Variants in ME2 observed in about 807,000 individuals in gnomAD.
ME2 encodes the protein NAD-dependent malic enzyme, mitochondrial.
A neutral mutation model predicts 73.7 loss-of-function variants in ME2; 60 were observed. The ratio of observed to expected loss-of-function variants is 0.81; its 90% confidence interval spans 0.66 to 1.01. The LOEUF is 1.01. ME2 is among the 50% of genes least tolerant of loss of function. The pLI is 0.00. For synonymous variants in ME2, 199 were observed against 236.9 expected, an observed-to-expected ratio of 0.84 and a Z score of 1.47; for missense variants, 594 against 705.5, an observed-to-expected ratio of 0.84 and a Z score of 1.79.
intron 1 of ME2, among the ~76,000 whole-genome samples, chr18:50,889,240 C>T (rs1916551670): frequency 6.6e-6 from 1 of 152,056 alleles, no homozygotes; most frequent in Admixed American, 6.5e-5. Flanking sequence ...AGGGTAGAGC[C>T]CCTAGGCAGC....
intron 2 of ME2, among the ~76,000 whole-genome samples, chr18:50,897,173 T>C (rs1445153313): frequency 6.6e-6 from 1 of 152,226 alleles, no homozygotes; most frequent in Non-Finnish European, 1.5e-5. Flanking sequence ...GGTAGTTACA[T>C]TTTCCTGAGT....
intron 12 of ME2, among the ~76,000 whole-genome samples, chr18:50,928,011 G>T (rs1235866984): frequency 1.3e-5 from 2 of 151,114 alleles, no homozygotes; most frequent in African/African-American, 4.9e-5. Context: ...TAGAGACAAG[G>T]TCTTGCTTTG....
chr18:50,933,932 G>T (rs1306649808), intron 13 of ME2: 1 of 152,090 alleles, frequency 6.6e-6, no homozygotes, highest in South Asian at 2.1e-4. Context: ...TTCTGTTCCT[G>T]TGTTAGTTCA....
intron 2 of ME2, among the ~76,000 whole-genome samples, chr18:50,896,915 G>A (rs989186881): frequency 6.6e-6 from 1 of 152,168 alleles, no homozygotes; most frequent in African/African-American, 2.4e-5. Context: ...GTTAAATGAA[G>A]CTTAATGAAG....
intron 1 of ME2, among the ~76,000 whole-genome samples, chr18:50,880,165 C>T (rs1228450166): frequency 6.6e-6 from 1 of 152,194 alleles, no homozygotes; most frequent in East Asian, 1.9e-4. Flanking sequence ...TTGCTAGTGA[C>T]AGGCAGAGCG....
At chr18:50,907,720 C>A (rs1306080427) in intron 2 of ME2, among the ~76,000 whole-genome samples, 1 of 152,130 alleles carries the variant, frequency 6.6e-6, no homozygotes, top group Non-Finnish European at 1.5e-5. Flanking sequence ...TACAACTAAA[C>A]TTTTTGTATA....
chr18:50,894,005 T>C (rs574252754), intron 1 of ME2, among the ~76,000 whole-genome samples: 68 of 152,352 alleles, frequency 4.5e-4, no homozygotes, highest in African/African-American at 1.6e-3. Flanking sequence ...TATGACTATT[T>C]AATATGAGTG....
chr18:50,946,105 C>T (rs1918076254), intron 15 of ME2, among the ~76,000 whole-genome samples: 2 of 109,542 alleles, frequency 1.8e-5, no homozygotes, highest in Admixed American at 1.1e-4. Flanking sequence ...GAGCAAGGCT[C>T]CATCTTAAAT....
chr18:50,893,451 A>G (rs187132880), intron 1 of ME2, among the ~76,000 whole-genome samples: 1 of 152,294 alleles, frequency 6.6e-6, no homozygotes, highest in East Asian at 1.9e-4. Flanking sequence ...CATAATTTCA[A>G]TATGTTGTGT....
rs1255290957 is a variant in ME2 at position 50,908,198 on chromosome 18, T to G, written c.242+2T>G. ...GAAAATGACTAGCCCTTTGGAAAAG[T>G]AAGAGTTGCTTAGATGTTTCTTTTT... is the stretch of plus-strand genomic sequence containing the variant. On this transcript the variant is annotated splice_donor_variant, in intron 3 of 15. Transcript: ENST00000321341. LOFTEE classifies it high-confidence loss of function. 1 of 1,581,488 alleles carries G rather than the reference T, an allele frequency of 6.3e-7. No homozygotes were observed. Among genetic ancestry groups the G allele is most frequent in the Non-Finnish European group, 8.6e-7 (1 of 1,168,124 alleles).
intron 12 of ME2, among the ~76,000 whole-genome samples, chr18:50,930,434 A>G (rs1599118507): frequency 6.6e-6 from 1 of 152,174 alleles, no homozygotes; most frequent in Non-Finnish European, 1.5e-5. Flanking sequence ...CTGCTCAGCG[A>G]GAAAAATACT....
intron 2 of ME2, among the ~76,000 whole-genome samples, chr18:50,896,528 G>C (rs1194390084): frequency 6.6e-6 from 1 of 152,134 alleles, no homozygotes; most frequent in Admixed American, 6.5e-5. Context: ...TCTATGTTTG[G>C]TTCGGTGGAC....
intron 3 of ME2, among the ~76,000 whole-genome samples, chr18:50,911,206 A>C (rs572540695): frequency 1.3e-5 from 2 of 152,238 alleles, no homozygotes; most frequent in South Asian, 4.1e-4. Context: ...CTTCCATCTC[A>C]CAAAGCCATC....
rs1280485474 is a variant in ME2 at position 50,925,903 on chromosome 18, T to G, written c.1314+5T>G. 2 of 1,586,368 alleles carry G rather than the reference T, an allele frequency of 1.3e-6. No homozygotes were observed. Among genetic ancestry groups the G allele is most frequent in the African/African-American group, 2.7e-5 (2 of 74,340 alleles). Reference sequence around the variant, plus strand: ...GAAGCATATACACTTACAGAGGTATTAATAATCACATGAATTGATATGTAT... The same window carrying G: ...GAAGCATATACACTTACAGAGGTATGAATAATCACATGAATTGATATGTAT... On this transcript the variant is annotated splice_donor_5th_base_variant and intron_variant, in intron 12 of 15. Coordinates refer to ENST00000321341, the MANE Select transcript of ME2 (RefSeq NM_002396.5).
At chr18:50,907,095 T>A (rs1387030799) in intron 2 of ME2, among the ~76,000 whole-genome samples, 5 of 152,178 alleles carry the variant, frequency 3.3e-5, no homozygotes, top group African/African-American at 9.7e-5. Flanking sequence ...CAAGCACTTC[T>A]GGGGAAATGG....
intron 13 of ME2, chr18:50,934,270 G>A (rs1462814796): frequency 6.6e-6 from 1 of 152,102 alleles, no homozygotes; most frequent in Non-Finnish European, 1.5e-5. Context: ...TGAGTATTAA[G>A]GAATTTAGCA....
chr18:50,924,896 G>A lies in ME2; in HGVS notation c.1171+684G>A, dbSNP rs142871245. Among the ~76,000 whole-genome samples, 661 of 151,656 alleles carry A rather than the reference G, an allele frequency of 4.4e-3. 10 individuals are homozygous for A. The East Asian group carries it at 0.066, about 15-fold the overall frequency. ...GGGGTTTCACCATGTTGACCAGGCT[G>A]GTCTTGAACTCCTGACCTCAGGTGA... On this transcript the variant is annotated intron_variant, in intron 11 of 15. Coordinates refer to ENST00000321341, the MANE Select transcript of ME2 (RefSeq NM_002396.5).
At chr18:50,910,488 G>T (rs1487169511) in intron 3 of ME2, among the ~76,000 whole-genome samples, 9 of 151,876 alleles carry the variant, frequency 5.9e-5, no homozygotes, top group Non-Finnish European at 1.0e-4. Context: ...AGGTTAAAGG[G>T]GTGAGAGCAG....
intron 13 of ME2, among the ~76,000 whole-genome samples, chr18:50,936,889 CCA>C (rs1461568903): frequency 2.6e-5 from 4 of 152,012 alleles, no homozygotes; most frequent in Non-Finnish European, 4.4e-5. Flanking sequence ...TTTGGTCGTG[CCA>C]CAGCACTGTA....
Sources: gnomAD v4.1 joint callset for allele counts (sites outside exome capture counted in the v4.1 genomes callset) on GRCh38, gnomAD v4.1.1 for gene constraint, MANE v1.5 for transcripts, NCBI Gene and HGNC (gene_info 2026-07-23, HGNC 2026-07-21) for gene names.